The following CNTN3 variants were observed in gnomAD, a reference collection of about 807,000 sequenced individuals.
The protein encoded by CNTN3 is contactin 3, also known as contactin-3.
A neutral mutation model predicts 119.1 loss-of-function variants in CNTN3; 60 were observed. That is an observed-to-expected ratio of 0.50 (90% confidence interval 0.41 to 0.62). CNTN3 has a LOEUF of 0.62. Among genes scored for constraint, CNTN3 ranks in the 20% least tolerant of loss-of-function variants. The pLI, the probability that CNTN3 is intolerant of heterozygous loss-of-function variation, is 0.00. For synonymous variants in CNTN3, 450 were observed against 438.7 expected (o/e 1.03, Z -0.32); for missense variants, 1,101 against 1,242.4 (o/e 0.89, Z 1.71).
chr3:74,397,021 T>C (rs1705074200), intron 5 of CNTN3, among the ~76,000 whole-genome samples: 3 of 152,138 alleles, frequency 2.0e-5, no homozygotes, highest in African/African-American at 7.2e-5. Flanking sequence ...TCTAGGACTT[T>C]TATAGCCAGA....
intron 2 of CNTN3, among the ~76,000 whole-genome samples, chr3:74,516,852 C>T (rs954540428): frequency 2.1e-5 from 3 of 143,880 alleles, no homozygotes; most frequent in African/African-American, 8.8e-5. Flanking sequence ...CACAAGATGT[C>T]TGGCTCCTCT....
chr3:74,613,180 T>C (rs899150867), intron 1 of CNTN3, among the ~76,000 whole-genome samples: 3 of 152,204 alleles, frequency 2.0e-5, no homozygotes, highest in African/African-American at 7.2e-5. Context: ...CTGTTTTTAA[T>C]CTATTTACAG....
At chr3:74,510,266 A>C (rs1703343410) in intron 2 of CNTN3, among the ~76,000 whole-genome samples, 1 of 152,076 alleles carries the variant, frequency 6.6e-6, no homozygotes, top group Admixed American at 6.6e-5. Flanking sequence ...ATATTATATA[A>C]AAATATGAAC....
chr3:74,394,400 G>C (rs1044008926), intron 5 of CNTN3, among the ~76,000 whole-genome samples: 1 of 152,262 alleles, frequency 6.6e-6, no homozygotes, highest in Non-Finnish European at 1.5e-5. Flanking sequence ...AGAAATAGCT[G>C]ACTTAATTTT....
intron 1 of CNTN3, among the ~76,000 whole-genome samples, chr3:74,591,581 A>G (rs1188605703): frequency 2.0e-5 from 3 of 151,750 alleles, no homozygotes; most frequent in Non-Finnish European, 4.4e-5. Flanking sequence ...AAAGGCCTGG[A>G]AGCGGGGAAA....
intron 1 of CNTN3, among the ~76,000 whole-genome samples, chr3:74,606,176 A>G (rs1418779976): frequency 6.6e-6 from 1 of 152,218 alleles, no homozygotes; most frequent in East Asian, 1.9e-4. Flanking sequence ...AAAAAAGGAA[A>G]AGAAGAGGGA....
chr3:74,279,669 G>A (rs1049474194), intron 20 of CNTN3, among the ~76,000 whole-genome samples: 1 of 152,050 alleles, frequency 6.6e-6, no homozygotes, highest in Non-Finnish European at 1.5e-5. Context: ...AGGGACAGAA[G>A]ACTACAAATT....
chr3:74,523,202 T>C (rs1244472265), intron 1 of CNTN3, among the ~76,000 whole-genome samples: 1 of 151,904 alleles, frequency 6.6e-6, no homozygotes, highest in East Asian at 1.9e-4. Context: ...AATTTATAAC[T>C]GGCAGCCATA....
chr3:74,434,510 C>T (rs1282836522), intron 4 of CNTN3, among the ~76,000 whole-genome samples: 4 of 152,162 alleles, frequency 2.6e-5, no homozygotes, highest in African/African-American at 9.7e-5. Context: ...CCCCAGAGGT[C>T]CATGAACATC....
At chr3:74,467,840 G>C (rs565060188) in intron 4 of CNTN3, among the ~76,000 whole-genome samples, 1 of 152,080 alleles carries the variant, frequency 6.6e-6, no homozygotes, top group Non-Finnish European at 1.5e-5. Flanking sequence ...GGTAATAAAG[G>C]AACACTCCTA....
chr3:74,415,360 C>A (rs1044126414), intron 5 of CNTN3, among the ~76,000 whole-genome samples: 2 of 152,134 alleles, frequency 1.3e-5, no homozygotes, highest in Non-Finnish European at 2.9e-5. Context: ...AATCCAGTTT[C>A]TCGAAGTTGT....
chr3:74,462,600 A>G (rs548144004), intron 4 of CNTN3, among the ~76,000 whole-genome samples: 3 of 152,196 alleles, frequency 2.0e-5, no homozygotes, highest in African/African-American at 7.2e-5. Context: ...CCTGCTCCGT[A>G]GCCCCACTGT....
intron 4 of CNTN3, among the ~76,000 whole-genome samples, chr3:74,486,113 T>C (rs755113138): frequency 6.6e-6 from 1 of 152,074 alleles, no homozygotes; most frequent in Admixed American, 6.6e-5. Context: ...CACAGTAAAA[T>C]GCACATAGTA....
Position 74,487,660 on chromosome 3 carries a change from G to T in CNTN3, c.183-1029C>A, listed in dbSNP as rs551424569. 9.6e-4 allele frequency among the ~76,000 whole-genome samples: 146 copies of T among 152,236 alleles called. 1 individual carries two copies. The highest frequency in any genetic ancestry group is 1.8e-3 in the Non-Finnish European group (125 of 68,020). ...GAATTCCAGCTCAGAGTTCTTCAAT[G>T]ATGTTATGGGCCATCTAAAAATTGT... On this transcript the variant is annotated intron_variant, in intron 3 of 22. Transcript: ENST00000263665.
chr3:74,554,169 T>C (rs963666313), intron 1 of CNTN3, among the ~76,000 whole-genome samples: 5 of 152,224 alleles, frequency 3.3e-5, no homozygotes, highest in African/African-American at 9.6e-5. Flanking sequence ...ATTTATTAAA[T>C]AGGGAATCTT....
intron 1 of CNTN3, among the ~76,000 whole-genome samples, chr3:74,588,851 G>A (rs1188270396): frequency 9.9e-5 from 15 of 152,128 alleles, no homozygotes; most frequent in Non-Finnish European, 2.1e-4. Context: ...AACAAGCAAT[G>A]GGGAAAGGAT....
At chr3:74,605,324 AAT>A (rs937371750) in intron 1 of CNTN3, among the ~76,000 whole-genome samples, 6 of 152,168 alleles carry the variant, frequency 3.9e-5, no homozygotes, top group East Asian at 1.9e-4. Flanking sequence ...CATGTGATAT[AAT>A]ATGTTATTTA....
chr3:74,474,656 A>C (rs1253399340), intron 4 of CNTN3, among the ~76,000 whole-genome samples: 1 of 151,994 alleles, frequency 6.6e-6, no homozygotes, highest in Non-Finnish European at 1.5e-5. Flanking sequence ...ACCGTGCCCA[A>C]CTGAGAGTCC....
chr3:74,507,622 CTTTCTTTTTTT>C (rs1328795860), intron 2 of CNTN3, among the ~76,000 whole-genome samples: 5 of 120,490 alleles, frequency 4.1e-5, no homozygotes, highest in East Asian at 3.0e-4. Context: ...TTCTTTCTTT[CTTTCTTTTTTT>C]TTTTTTTTTT....
Sources: allele counts gnomAD v4.1 joint callset (sites outside exome capture counted in the v4.1 genomes callset), GRCh38; gene constraint gnomAD v4.1.1; transcripts MANE v1.5; gene names NCBI Gene and HGNC (gene_info 2026-07-23, HGNC 2026-07-21).